Variants in COL21A1 observed in about 807,000 individuals in gnomAD.
The protein encoded by COL21A1 is collagen type XXI alpha 1 chain.
In COL21A1, 149 loss-of-function variants were observed where a neutral mutation model predicts 137.9. That is an observed-to-expected ratio of 1.08 (90% CI 0.95 to 1.24). COL21A1 has a LOEUF of 1.24. COL21A1 is among the 50% of genes most tolerant of loss of function. The pLI is 0.00. For synonymous variants in COL21A1, 456 were observed against 391.5 expected (o/e 1.16, Z -1.95); for missense variants, 1,167 against 1,158.4 (o/e 1.01, Z -0.11).
chr6:56,182,664 G>GA lies in COL21A1; in HGVS notation c.-38-9dup, dbSNP rs762588386. ...ATTTTGGTTTTAGGATTCCTAGGGG[G>GA]AAAAAAAAGGCAAGTTAAATATATT... On this transcript the variant is annotated splice_polypyrimidine_tract_variant and intron_variant, in intron 1 of 29. Coordinates refer to ENST00000244728, the MANE Select transcript of COL21A1 (RefSeq NM_030820.4). The GA allele has an allele frequency of 9.1e-5, 109 of 1,203,706 alleles. No homozygotes were observed. The highest frequency in any genetic ancestry group is 2.5e-4 in the South Asian group (18 of 73,124). The allele number at this position is 1,203,706 out of a possible 1,614,324, so 74.6% of individuals were successfully genotyped here.
At chr6:56,248,317 G>T (rs77525802), upstream of COL21A1, among the ~76,000 whole-genome samples, 1,235 of 152,140 alleles carry the variant, frequency 8.1e-3, 28 homozygotes, top group East Asian at 0.086. Flanking sequence ...ATCTCACTTG[G>T]CATTTCTTCT....
At chr6:56,144,804 G>A (rs9475576) in intron 10 of COL21A1, among the ~76,000 whole-genome samples, 1,609 of 152,280 alleles carry the variant, frequency 0.011, 27 homozygotes, top group African/African-American at 0.036. Context: ...GTGGAAAGAC[G>A]ATGAATTTGA....
chr6:56,220,216 G>A (rs1780745734), intron 1 of COL21A1, among the ~76,000 whole-genome samples: 1 of 152,054 alleles, frequency 6.6e-6, no homozygotes, highest in Non-Finnish European at 1.5e-5. Flanking sequence ...CATGTTATAT[G>A]GAGAGATAAA....
chr6:56,096,436 A>T (rs1769331146), intron 17 of COL21A1, among the ~76,000 whole-genome samples: 1 of 152,226 alleles, frequency 6.6e-6, no homozygotes, highest in Non-Finnish European at 1.5e-5. Context: ...CATGGTTGAA[A>T]CAAGTTATAA....
intron 1 of COL21A1, among the ~76,000 whole-genome samples, chr6:56,266,010 A>G (rs1256784045): frequency 6.6e-6 from 1 of 152,244 alleles, no homozygotes; most frequent in Non-Finnish European, 1.5e-5. Flanking sequence ...AGCAGTTGTT[A>G]AAGCCTCTGT....
chr6:56,349,338 G>GC (rs970633844), intron 1 of COL21A1, among the ~76,000 whole-genome samples: 3 of 109,710 alleles, frequency 2.7e-5, no homozygotes, highest in African/African-American at 8.9e-5. Flanking sequence ...ATAAAGACCC[G>GC]CCCCCCTGAA....
intron 1 of COL21A1, among the ~76,000 whole-genome samples, chr6:56,387,030 T>C (rs1278821100): frequency 5.3e-5 from 8 of 152,210 alleles, no homozygotes; most frequent in African/African-American, 1.9e-4. Flanking sequence ...TGAACTCACC[T>C]TGCAAATGTC....
At chr6:56,113,485 G>A (rs756485692) in intron 16 of COL21A1, among the ~76,000 whole-genome samples, 2 of 152,128 alleles carry the variant, frequency 1.3e-5, no homozygotes, top group Non-Finnish European at 2.9e-5. Flanking sequence ...CCACTGCCTT[G>A]AAGGAAAGGA....
At chr6:56,383,594 A>G (rs1562080489) in intron 1 of COL21A1, among the ~76,000 whole-genome samples, 1 of 152,190 alleles carries the variant, frequency 6.6e-6, no homozygotes, top group South Asian at 2.1e-4. Context: ...AGATTCTGAT[A>G]AGGAAAGAAA....
intron 1 of COL21A1, among the ~76,000 whole-genome samples, chr6:56,186,030 G>A (rs1437765682): frequency 6.6e-6 from 1 of 151,280 alleles, no homozygotes; most frequent in Admixed American, 6.6e-5. Flanking sequence ...TACAAAGTAA[G>A]AAAATTACAG....
intron 3 of COL21A1, among the ~76,000 whole-genome samples, chr6:56,176,903 A>T (rs1777516038): frequency 8.6e-6 from 1 of 116,168 alleles, no homozygotes; most frequent in Non-Finnish European, 1.7e-5. Flanking sequence ...AAAGGGAGGA[A>T]AGGGGAGGAA....
At chr6:56,245,306 C>G (rs1235969462) in intron 1 of COL21A1, among the ~76,000 whole-genome samples, 3 of 152,040 alleles carry the variant, frequency 2.0e-5, no homozygotes, top group Non-Finnish European at 4.4e-5. Flanking sequence ...AGGTGAAATC[C>G]TTCACCACAG....
At chr6:56,062,334 G>T (rs1364175734) in intron 24 of COL21A1, among the ~76,000 whole-genome samples, 2 of 152,054 alleles carry the variant, frequency 1.3e-5, no homozygotes, top group East Asian at 3.9e-4. Flanking sequence ...ACATCTGGAT[G>T]GCTCCATTAA....
At chr6:56,154,057 A>G (rs6909268) in intron 10 of COL21A1, among the ~76,000 whole-genome samples, 117,055 of 152,020 alleles carry the variant, frequency 0.77, 45,763 homozygotes, top group East Asian at 0.9. Flanking sequence ...AGATTTAATT[A>G]CTATTGTAAC....
intron 1 of COL21A1, among the ~76,000 whole-genome samples, chr6:56,280,122 AT>A (rs1763757642): frequency 6.6e-6 from 1 of 152,030 alleles, no homozygotes; most frequent in Admixed American, 6.6e-5. Context: ...TTATTTAATC[AT>A]TTTTTTCATT....
chr6:56,092,345 T>C (rs967798207), intron 17 of COL21A1, among the ~76,000 whole-genome samples: 2 of 152,212 alleles, frequency 1.3e-5, no homozygotes, highest in African/African-American at 2.4e-5. Flanking sequence ...TTTGTATCCA[T>C]GCAGATCCTT....
At chr6:56,364,091 A>G (rs1264849831) in intron 1 of COL21A1, among the ~76,000 whole-genome samples, 1 of 152,126 alleles carries the variant, frequency 6.6e-6, no homozygotes, top group Admixed American at 6.5e-5. Flanking sequence ...TAGAATAGAA[A>G]AAACAAATAT....
chr6:56,090,608 A>C (rs997711297), intron 17 of COL21A1, among the ~76,000 whole-genome samples: 2 of 152,184 alleles, frequency 1.3e-5, no homozygotes, highest in African/African-American at 4.8e-5. Context: ...ACATTATTTT[A>C]GATAAAGCCT....
chr6:56,231,270 T>C (rs1562008201), intron 1 of COL21A1: 1 of 151,872 alleles, frequency 6.6e-6, no homozygotes, highest in Non-Finnish European at 1.5e-5. Context: ...TTTCTTACCA[T>C]ATAAAAGGAA....
Sources: gnomAD v4.1 joint callset for allele counts (sites outside exome capture counted in the v4.1 genomes callset) on GRCh38, gnomAD v4.1.1 for gene constraint, MANE v1.5 for transcripts, NCBI Gene and HGNC (gene_info 2026-07-23, HGNC 2026-07-21) for gene names.